MAP3K14: variants seen among roughly 807,000 people sequenced by gnomAD.
MAP3K14 encodes the protein NF-kappa-beta-inducing kinase.
A neutral mutation model predicts 99.2 loss-of-function variants in MAP3K14; 16 were observed. The observed-to-expected ratio is 0.16, with a 90% confidence interval of 0.11 to 0.24. The LOEUF (loss-of-function observed/expected upper bound fraction) is 0.24, where lower values mean the gene tolerates loss of function less well. MAP3K14 is among the 10% of genes least tolerant of loss of function. The pLI is 1.00. For missense variants in MAP3K14, 784 were observed against 1,208.7 expected (o/e 0.65, Z 5.21); for synonymous variants, 462 against 492.4 (o/e 0.94, Z 0.82).
chr17:45,289,207 T>A (rs1478231572), intron 3 of MAP3K14, 29 bp downstream of exon 3: 1 of 1,608,586 alleles, frequency 6.2e-7, no homozygotes, highest in Admixed American at 1.7e-5. Context: ...GTCCCCACCT[T>A]CCCACTCAGG....
chr17:45,299,155 AC>A (rs1403026900), intron 1 of MAP3K14, among the ~76,000 whole-genome samples: 3 of 151,966 alleles, frequency 2.0e-5, no homozygotes, highest in African/African-American at 7.3e-5. Context: ...ATCCTCATAT[AC>A]CCCCAGGGTT....
intron 9 of MAP3K14, 48 bp from the exon 10 acceptor site, chr17:45,271,269 G>C (rs1165220141): frequency 1.3e-5 from 21 of 1,559,758 alleles, no homozygotes; most frequent in Non-Finnish European, 1.7e-5. Context: ...CTGATGGGCA[G>C]GAGCCTAGGC....
intron 6 of MAP3K14, among the ~76,000 whole-genome samples, chr17:45,276,460 A>C (rs1276955340): frequency 2.0e-5 from 3 of 151,992 alleles, no homozygotes; most frequent in Non-Finnish European, 4.4e-5. Flanking sequence ...AGGAAGTGCT[A>C]GCTCCCCAAT....
intron 1 of MAP3K14, among the ~76,000 whole-genome samples, chr17:45,307,376 T>C (rs2044438737): frequency 6.6e-6 from 1 of 152,180 alleles, no homozygotes. Flanking sequence ...GGGGCTGCCC[T>C]GTATGCCACT....
chr17:45,281,038 A>G (rs541537160), intron 6 of MAP3K14, among the ~76,000 whole-genome samples: 41 of 152,236 alleles, frequency 2.7e-4, no homozygotes, highest in African/African-American at 9.1e-4. Context: ...CAATAAGGAA[A>G]TCTGTCATAT....
At chr17:45,281,107 G>A (rs2044218904) in intron 6 of MAP3K14, among the ~76,000 whole-genome samples, 1 of 151,362 alleles carries the variant, frequency 6.6e-6, no homozygotes, top group Admixed American at 6.6e-5. Context: ...CATTTCTTGT[G>A]GGGTTGGGGG....
At chr17:45,279,164 T>C (rs917372118) in intron 6 of MAP3K14, among the ~76,000 whole-genome samples, 1 of 152,206 alleles carries the variant, frequency 6.6e-6, no homozygotes, top group Non-Finnish European at 1.5e-5. Context: ...AGTTTCGCTC[T>C]TGTTGCCCGG....
intron 1 of MAP3K14, among the ~76,000 whole-genome samples, chr17:45,297,653 A>C (rs1340751572): frequency 2.0e-5 from 3 of 152,208 alleles, no homozygotes. Context: ...TGGTAGGCAC[A>C]GGAACTCAAA....
At chr17:45,265,362 C>A in intron 14 of MAP3K14, 99 bp from the exon 15 acceptor site, 1 of 783,486 alleles carries the variant, frequency 1.3e-6, no homozygotes, top group Admixed American at 1.8e-5. Flanking sequence ...TTAAAAGTCA[C>A]TCTGCCCTAT....
Position 45,274,557 on chromosome 17 carries a change from C to T in MAP3K14, c.1327G>A (p.Ala443Thr). 6.2e-7 allele frequency: 1 copy of T among 1,613,958 alleles called. No homozygotes were observed. Among genetic ancestry groups the T allele is most frequent in the South Asian group, 1.1e-5 (1 of 91,078 alleles). The stretch of plus-strand genomic sequence containing the variant: ...CTGGGTGAGGTCAATCCTGCACATG[C>T]CATCAGCTCCTCTGCCCGAAATACT... ...LEVFRAEELM[A>T]CAGLTSPRIV... Residue 443 changes from alanine to threonine, a missense_variant, in exon 7 of 16, where the codon GCA becomes ACA. Around this residue, in one of 5 missense-constraint regions of MAP3K14, gnomAD observed 200 missense variants for 367.9 expected, o/e 0.54. Transcript: ENST00000344686.
At chr17:45,268,096 A>G (rs2087326539) in intron 11 of MAP3K14, 2 of 254,428 alleles carry the variant, frequency 7.9e-6, no homozygotes, top group East Asian at 1.4e-4. Context: ...CCCTGGGGCT[A>G]CACCAACTCA....
In MAP3K14 at chr17:45,304,566, G is replaced by C. The variant is rs914160313; in HGVS notation, c.-21+12394C>G. ...CAGAGAAGTAGATAGCATCAGATAG[G>C]TGGTTTCCAAACATTGTATTATTTA... On this transcript the variant is annotated intron_variant, in intron 1 of 15. Coordinates refer to ENST00000344686, the MANE Select transcript of MAP3K14 (RefSeq NM_003954.5). Among the ~76,000 whole-genome samples the C allele has an allele frequency of 2.0e-5, 3 of 152,150 alleles. No individual in the cohort carries two copies. The East Asian group carries it at 5.8e-4, about 29-fold the overall frequency.
chr17:45,264,410 T>G lies in MAP3K14; in HGVS notation c.*226A>C, dbSNP rs2044050854. Reference sequence around the variant, plus strand: ...AACTCCTGCCATCCTCCTCTGTCTCTTCACGTGGCGGAGTGTTTTCTCAGC... The same window carrying G: ...AACTCCTGCCATCCTCCTCTGTCTCGTCACGTGGCGGAGTGTTTTCTCAGC... On this transcript the variant is annotated 3_prime_UTR_variant, in exon 16 of 16. Coordinates refer to ENST00000344686, the MANE Select transcript of MAP3K14 (RefSeq NM_003954.5). 5 of 543,252 alleles carry G rather than the reference T, an allele frequency of 9.2e-6. No homozygotes were observed. The South Asian group carries it at 1.2e-4, about 13-fold the overall frequency. The allele number at this position is 543,252 out of a possible 1,614,324, so 33.7% of individuals were successfully genotyped here. A position where few individuals can be genotyped will look rare whatever the true frequency, so the allele number is the denominator to read the frequency against.
intron 1 of MAP3K14, among the ~76,000 whole-genome samples, chr17:45,299,422 T>C (rs1235319206): frequency 6.6e-6 from 1 of 151,886 alleles, no homozygotes; most frequent in Non-Finnish European, 1.5e-5. Context: ...GAAAAGAAAA[T>C]CCTGCCATTG....
At chr17:45,264,885 G>T in intron 15 of MAP3K14, 85 bp from the exon 16 acceptor site, 1 of 1,428,810 alleles carries the variant, frequency 7.0e-7, no homozygotes, top group Non-Finnish European at 9.5e-7. Context: ...CTTCCAGCCA[G>T]ACCGGCAGCC....
intron 1 of MAP3K14, chr17:45,291,052 C>G: frequency 3.3e-6 from 1 of 307,166 alleles, no homozygotes; most frequent in Non-Finnish European, 6.2e-6. Context: ...TCTAGGAGAG[C>G]TGTGGCACAA....
Position 45,271,192 on chromosome 17 carries a change from T to G in MAP3K14, c.1687A>C (p.Met563Leu). The stretch of plus-strand genomic sequence containing the variant: ...CTGCCCAGCACCACCTCCGGAGCCA[T>G]GTGGGTCTCTGTGCCAGGGATGTAG... Reference protein sequence around the residue: ...GDYIPGTETHMAPEVVLGRSC... With the variant: ...GDYIPGTETHLAPEVVLGRSC... The change falls in exon 10 of 16, where the codon ATG (methionine) becomes CTG (leucine). Residue 563 changes from methionine (M) to leucine (L), a missense_variant. Physicochemically the swap from Met to Leu is conservative, Grantham distance 15. This residue lies in a region of MAP3K14 where 200 missense variants were observed against 367.9 expected (regional missense o/e 0.54). Coordinates refer to ENST00000344686, the MANE Select transcript of MAP3K14 (RefSeq NM_003954.5). 6.2e-7 allele frequency: 1 copy of G among 1,611,794 alleles called. No individual in the cohort carries two copies. The highest frequency in any genetic ancestry group is 2.2e-5 in the East Asian group (1 of 44,858).
chr17:45,286,403 C>A lies in MAP3K14; in HGVS notation c.1152+28G>T, dbSNP rs1358874389. On this transcript the variant is annotated intron_variant, in intron 5 of 15. Transcript: ENST00000344686. This position sits in a 1 kb window ranked among gnomAD's most constrained non-coding sequence, Gnocchi z 4.1. ...ATCCCCCAGGTTGCTGGTAGAGGGACATATACAGGTGCCGGGGGATTAGTT... is the reference window on the plus strand; with the variant it reads ...ATCCCCCAGGTTGCTGGTAGAGGGAAATATACAGGTGCCGGGGGATTAGTT... The A allele has an allele frequency of 5.3e-5, 82 of 1,555,196 alleles. No homozygotes were observed. Among genetic ancestry groups the A allele is most frequent in the Non-Finnish European group, 7.1e-5 (82 of 1,148,616 alleles).
At chr17:45,304,010 C>CT (rs1026894731) in intron 1 of MAP3K14, among the ~76,000 whole-genome samples, 3,862 of 127,644 alleles carry the variant, frequency 0.03, 123 homozygotes, top group East Asian at 0.12. Flanking sequence ...CTTTTCTTTT[C>CT]TTTTTTTTTT....
Sources: allele counts gnomAD v4.1 joint callset (sites outside exome capture counted in the v4.1 genomes callset), GRCh38; gene constraint gnomAD v4.1.1; regional missense constraint gnomAD v4.1.1; non-coding constraint Gnocchi (gnomAD v3.1); transcripts MANE v1.5; gene names NCBI Gene and HGNC (gene_info 2026-07-23, HGNC 2026-07-21).